Variants in TLK2 observed in about 807,000 individuals in gnomAD.
TLK2 encodes serine/threonine-protein kinase tousled-like 2.
TLK2 carries 6 observed loss-of-function variants against 117.3 expected under a neutral mutation model. The ratio of observed to expected loss-of-function variants is 0.05; its 90% CI spans 0.03 to 0.10. The LOEUF (loss-of-function observed/expected upper bound fraction) is 0.10, where lower values mean the gene tolerates loss of function less well. Among genes scored for constraint, TLK2 ranks in the 10% least tolerant of loss-of-function variants. The pLI, the probability that TLK2 is intolerant of heterozygous loss-of-function variation, is 1.00. For missense variants in TLK2, 299 were observed against 901.2 expected, an observed-to-expected ratio of 0.33 and a Z score of 8.56; for synonymous variants, 257 against 316.7, an observed-to-expected ratio of 0.81 and a Z score of 2.00.
chr17:62,491,720 G>A (rs2073130078), intron 2 of TLK2, among the ~76,000 whole-genome samples: 1 of 152,058 alleles, frequency 6.6e-6, no homozygotes, highest in Admixed American at 6.6e-5. Flanking sequence ...CTAGTAGTTG[G>A]GACTATAGGT....
Position 62,516,306 on chromosome 17 carries a change from G to C in TLK2, c.82-4467G>C, listed in dbSNP as rs963915646. The stretch of plus-strand genomic sequence containing the variant: ...GGCTGTAAATTTATTCAATGCAAAA[G>C]AATCCTCTCCAGTTTTACTGAGGTG... On this transcript the variant is annotated intron_variant, in intron 2 of 21. Coordinates refer to ENST00000346027, the MANE Select transcript of TLK2 (RefSeq NM_006852.6). 3.4e-6 allele frequency: 3 copies of C among 883,960 alleles called. No homozygotes were observed. The African/African-American group carries it at 5.2e-5, about 15-fold the overall frequency. The allele number at this position is 883,960 out of a possible 1,614,324, so 54.8% of individuals were successfully genotyped here.
chr17:62,539,007 A>G (rs1408901157), intron 7 of TLK2, among the ~76,000 whole-genome samples: 1 of 152,198 alleles, frequency 6.6e-6, no homozygotes, highest in Non-Finnish European at 1.5e-5. Flanking sequence ...AAAACAAGAT[A>G]ACATTTTTGA....
chr17:62,536,646 T>C (rs973069095), intron 7 of TLK2, among the ~76,000 whole-genome samples: 2 of 151,992 alleles, frequency 1.3e-5, no homozygotes, highest in Admixed American at 6.6e-5. Flanking sequence ...TCAAATTCCA[T>C]TAGTAACCAA....
chr17:62,545,864 C>T (rs2077871202), intron 7 of TLK2, among the ~76,000 whole-genome samples: 2 of 143,546 alleles, frequency 1.4e-5, no homozygotes, highest in South Asian at 2.3e-4. Context: ...CCACCACGCC[C>T]GGCTGATTTT....
At chr17:62,535,915 C>T (rs1421846905) in intron 6 of TLK2, among the ~76,000 whole-genome samples, 2 of 152,004 alleles carry the variant, frequency 1.3e-5, no homozygotes, top group Admixed American at 6.6e-5. Flanking sequence ...TACAAAGTAA[C>T]ATGTAAATTC....
chr17:62,480,289 G>T (rs1478840878), intron 1 of TLK2, among the ~76,000 whole-genome samples: 2 of 152,208 alleles, frequency 1.3e-5, no homozygotes, highest in Non-Finnish European at 2.9e-5. Flanking sequence ...TTAAAGAGAG[G>T]TTTTAAATGG....
chr17:62,486,950 C>T (rs1049111876), intron 2 of TLK2, among the ~76,000 whole-genome samples: 1 of 152,208 alleles, frequency 6.6e-6, no homozygotes, highest in Admixed American at 6.5e-5. Flanking sequence ...CAATAACTTA[C>T]ACTTGTGTTG....
In TLK2 at chr17:62,507,803, G is replaced by A. The variant is rs550655991; in HGVS notation, c.82-12970G>A. On this transcript the variant is annotated intron_variant, in intron 2 of 21. Coordinates refer to ENST00000346027, the MANE Select transcript of TLK2 (RefSeq NM_006852.6). ...TTTGCATCTTAACCTCAGTGTTCAT[G>A]GATTTATAATTTATCCACAGAATTT... Among the ~76,000 whole-genome samples the A allele has an allele frequency of 6.8e-4, 103 of 151,948 alleles. 1 individual carries two copies. Among genetic ancestry groups the A allele is most frequent in the African/African-American group, 2.4e-3 (100 of 41,430 alleles).
At chr17:62,557,640 GA>G (rs1180171170) in intron 9 of TLK2, among the ~76,000 whole-genome samples, 1 of 152,098 alleles carries the variant, frequency 6.6e-6, no homozygotes, top group Non-Finnish European at 1.5e-5. Context: ...GATTTATAAT[GA>G]AATGGTTTGT....
At chr17:62,592,228 G>A (rs889130555) in intron 16 of TLK2, among the ~76,000 whole-genome samples, 11 of 151,892 alleles carry the variant, frequency 7.2e-5, no homozygotes, top group Non-Finnish European at 1.6e-4. Flanking sequence ...CAAAGTGCTG[G>A]GATTATAGGC....
At chr17:62,598,796 T>TA (rs2082668766) in intron 17 of TLK2, among the ~76,000 whole-genome samples, 1 of 152,174 alleles carries the variant, frequency 6.6e-6, no homozygotes, top group African/African-American at 2.4e-5. Flanking sequence ...GTCCTGGGAT[T>TA]ACAGGCTTGA....
At chr17:62,592,378 T>C (rs1456098323) in intron 16 of TLK2, among the ~76,000 whole-genome samples, 1 of 152,242 alleles carries the variant, frequency 6.6e-6, no homozygotes, top group Admixed American at 6.5e-5. Context: ...TATGAAATGA[T>C]TTAAACTAGA....
At chr17:62,553,501 G>A in intron 8 of TLK2, 162 bp from the exon 9 acceptor site, 2 of 612,462 alleles carry the variant, frequency 3.3e-6, no homozygotes, top group South Asian at 3.7e-5. Flanking sequence ...CTTGAAGAAT[G>A]AGATGAGACA....
At chr17:62,533,394 G>GTGTGTC (rs2076884230) in intron 6 of TLK2, among the ~76,000 whole-genome samples, 2 of 131,366 alleles carry the variant, frequency 1.5e-5, no homozygotes, top group Non-Finnish European at 3.3e-5. Context: ...GTGTGTGTCT[G>GTGTGTC]TGTGTGTGTG....
chr17:62,493,558 C>T (rs1008199699), intron 2 of TLK2, among the ~76,000 whole-genome samples: 4 of 152,210 alleles, frequency 2.6e-5, no homozygotes, highest in Non-Finnish European at 4.4e-5. Context: ...TTGACCTCCT[C>T]TCAGGCCTTA....
At position 62,593,753 on chromosome 17, in the gene TLK2, A is replaced by AT. The variant is rs896468420; in HGVS notation, c.1461-2820dup. 6.4e-4 allele frequency among the ~76,000 whole-genome samples: 91 copies of AT among 141,334 alleles called. 1 individual carries two copies. Among genetic ancestry groups the AT allele is most frequent in the African/African-American group, 1.0e-3 (39 of 38,538 alleles). 92.7% of individuals were successfully genotyped at this position (141,334 alleles called of 152,430 possible). A position where few individuals can be genotyped will look rare whatever the true frequency, so the allele number is the denominator to read the frequency against. On this transcript the variant is annotated intron_variant, in intron 16 of 21. Coordinates refer to ENST00000346027, the MANE Select transcript of TLK2 (RefSeq NM_006852.6). The stretch of plus-strand genomic sequence containing the variant: ...CCCGCCTGAGGCTGTTTTGTAGTTA[A>AT]TTTTTTTTTTTTAATAAGTAGAAGT...
chr17:62,505,407 ATTTTTTTTTT>A (rs544900638), intron 2 of TLK2, among the ~76,000 whole-genome samples: 8 of 53,770 alleles, frequency 1.5e-4, no homozygotes, highest in African/African-American at 5.5e-4. Context: ...CCATACCCAG[ATTTTTTTTTT>A]TTTTTTTTTT....
At chr17:62,478,248 G>C (rs1399265831), upstream of TLK2, among the ~76,000 whole-genome samples, 7 of 151,728 alleles carry the variant, frequency 4.6e-5, no homozygotes, top group Non-Finnish European at 7.4e-5. Flanking sequence ...CTCACACATA[G>C]GATTAGCGTC....
At chr17:62,595,239 C>T (rs2082383872) in intron 16 of TLK2, among the ~76,000 whole-genome samples, 1 of 151,736 alleles carries the variant, frequency 6.6e-6, no homozygotes, top group Non-Finnish European at 1.5e-5. Flanking sequence ...CCTTGGCCTC[C>T]CAAAGTCCTG....
Sources: gnomAD v4.1 joint callset for allele counts (sites outside exome capture counted in the v4.1 genomes callset) on GRCh38, gnomAD v4.1.1 for gene constraint, MANE v1.5 for transcripts, NCBI Gene and HGNC (gene_info 2026-07-23, HGNC 2026-07-21) for gene names.